Variants in RUFY3 observed in about 807,000 individuals in gnomAD.
RUFY3 encodes the protein protein RUFY3.
A neutral mutation model predicts 84.0 loss-of-function variants in RUFY3; 34 were observed. That is an observed-to-expected ratio of 0.40 (90% CI 0.31 to 0.54). The LOEUF (loss-of-function observed/expected upper bound fraction) is 0.54. RUFY3 is among the 20% of genes least tolerant of loss of function. The pLI is 0.39. For synonymous variants in RUFY3, 242 were observed against 252.9 expected (o/e 0.96, Z 0.41); for missense variants, 507 against 736.8 (o/e 0.69, Z 3.61).
At chr4:70,768,243 G>C (rs1726326957) in intron 4 of RUFY3, among the ~76,000 whole-genome samples, 1 of 152,166 alleles carries the variant, frequency 6.6e-6, no homozygotes, top group Non-Finnish European at 1.5e-5. Flanking sequence ...CCACAATACT[G>C]TTCAGTCACG....
At chr4:70,705,148 G>A (rs893726942) in exon 1 of RUFY3, 16 of 1,456,612 alleles carry the variant, frequency 1.1e-5, no homozygotes, top group Non-Finnish European at 1.4e-5. Context: ...CTGTACCCCG[G>A]CGATGGAGGC....
intron 9 of RUFY3, among the ~76,000 whole-genome samples, chr4:70,784,441 C>A (rs1488556163): frequency 6.6e-6 from 1 of 151,992 alleles, no homozygotes; most frequent in Non-Finnish European, 1.5e-5. Context: ...AGAGATTGAG[C>A]CACTGCAGTC....
At chr4:70,770,893 A>G (rs1489471225) in intron 5 of RUFY3, among the ~76,000 whole-genome samples, 2 of 152,114 alleles carry the variant, frequency 1.3e-5, no homozygotes, top group African/African-American at 2.4e-5. Context: ...TTGAACACTT[A>G]GTGGCCATTG....
chr4:70,804,839 C>T (rs1014178629), intron 17 of RUFY3, among the ~76,000 whole-genome samples: 1 of 151,356 alleles, frequency 6.6e-6, no homozygotes, highest in Non-Finnish European at 1.5e-5. Flanking sequence ...GCAGGAGAAT[C>T]GCTTGAACCC....
At position 70,808,279 on chromosome 4, in the gene RUFY3, TTACA is replaced by T. The variant is rs1229507635; in HGVS notation, c.*1623_*1626del. Among the ~76,000 whole-genome samples, 1 of 151,886 alleles carries T rather than the reference TTACA, an allele frequency of 6.6e-6. No homozygotes were observed. Among genetic ancestry groups the T allele is most frequent in the Non-Finnish European group, 1.5e-5 (1 of 68,038 alleles). ...GATATGGAGGGCTGACTGTACTTAC[TTACA>T]TATCTATCTATCTTTGAGTAACAAA... On this transcript the variant is annotated 3_prime_UTR_variant, in exon 18 of 18. Transcript: ENST00000381006.
At chr4:70,725,064 A>C (rs1406123681) in intron 1 of RUFY3, among the ~76,000 whole-genome samples, 1 of 152,102 alleles carries the variant, frequency 6.6e-6, no homozygotes, top group African/African-American at 2.4e-5. Flanking sequence ...ACTCCCACAA[A>C]AGAAAATAGG....
At chr4:70,774,644 A>AAAAAATAT (rs1553916771) in intron 6 of RUFY3, among the ~76,000 whole-genome samples, 3 of 56,682 alleles carry the variant, frequency 5.3e-5, no homozygotes, top group African/African-American at 8.4e-5. Context: ...AAAAAAAAAA[A>AAAAAATAT]ATATATATAT....
chr4:70,801,841 A>C (rs918076284), intron 15 of RUFY3, among the ~76,000 whole-genome samples: 1 of 152,212 alleles, frequency 6.6e-6, no homozygotes, highest in African/African-American at 2.4e-5. Context: ...AAGGGCCATA[A>C]AATTAACCTG....
chr4:70,757,002 G>A (rs551074789), intron 1 of RUFY3, among the ~76,000 whole-genome samples: 6 of 152,038 alleles, frequency 3.9e-5, no homozygotes, highest in African/African-American at 1.5e-4. Context: ...TGGGCATGGC[G>A]ACCCATGCCT....
chr4:70,768,813 T>C, intron 5 of RUFY3, 152 bp downstream of exon 5: 2 of 771,634 alleles, frequency 2.6e-6, no homozygotes, highest in South Asian at 2.1e-5. Flanking sequence ...AAAAAAAAGA[T>C]TGTTTTTCCT....
chr4:70,706,846 A>G (rs1740391171), intron 1 of RUFY3, among the ~76,000 whole-genome samples: 1 of 152,182 alleles, frequency 6.6e-6, no homozygotes, highest in African/African-American at 2.4e-5. Context: ...TCTCAAGGAG[A>G]CTTTGCTTTT....
At chr4:70,734,912 T>G (rs935989200) in intron 1 of RUFY3, among the ~76,000 whole-genome samples, 4 of 152,258 alleles carry the variant, frequency 2.6e-5, no homozygotes, top group African/African-American at 9.6e-5. Flanking sequence ...GAGCTTCTAC[T>G]TGAATCTTTA....
chr4:70,708,048 A>C (rs1740535198), intron 1 of RUFY3, among the ~76,000 whole-genome samples: 1 of 152,238 alleles, frequency 6.6e-6, no homozygotes, highest in African/African-American at 2.4e-5. Flanking sequence ...ACTTGAGTCC[A>C]GAAGTTCAGG....
At chr4:70,743,858 C>T (rs1293303078) in intron 1 of RUFY3, among the ~76,000 whole-genome samples, 2 of 152,080 alleles carry the variant, frequency 1.3e-5, no homozygotes, top group African/African-American at 4.8e-5. Context: ...TTGATAATTT[C>T]ATTCTTCTTG....
chr4:70,783,449 G>C (rs1729270371), intron 9 of RUFY3, among the ~76,000 whole-genome samples: 1 of 152,090 alleles, frequency 6.6e-6, no homozygotes, highest in Non-Finnish European at 1.5e-5. Context: ...ATGTACTAAT[G>C]GTTCAAACAG....
At chr4:70,744,358 T>TATGTATGTATGTATG (rs1560482371) in intron 1 of RUFY3, among the ~76,000 whole-genome samples, 1 of 150,622 alleles carries the variant, frequency 6.6e-6, no homozygotes, top group African/African-American at 2.5e-5. Context: ...TGGCTAATTT[T>TATGTATGTATGTATG]TATGTATGTA....
chr4:70,791,535 C>A, intron 12 of RUFY3: 1 of 1,335,672 alleles, frequency 7.5e-7, no homozygotes, highest in Non-Finnish European at 9.6e-7. Context: ...GCTGAATAAA[C>A]TTTGAGAAAT....
chr4:70,721,449 A>T (rs1742291126), upstream of RUFY3, among the ~76,000 whole-genome samples: 1 of 152,168 alleles, frequency 6.6e-6, no homozygotes, highest in Non-Finnish European at 1.5e-5. Flanking sequence ...GCCTAACCTA[A>T]AAGGTCAGGT....
intron 1 of RUFY3, among the ~76,000 whole-genome samples, chr4:70,735,199 G>A (rs533097544): frequency 6.6e-4 from 101 of 152,306 alleles, no homozygotes; most frequent in Admixed American, 1.3e-3. Flanking sequence ...TTCAGTAGCT[G>A]TTCTGTGTTT....
Sources: gnomAD v4.1 joint callset for allele counts (sites outside exome capture counted in the v4.1 genomes callset) on GRCh38, gnomAD v4.1.1 for gene constraint, MANE v1.5 for transcripts, NCBI Gene and HGNC (gene_info 2026-07-23, HGNC 2026-07-21) for gene names.